Variants in MEGF10 observed in about 807,000 individuals in gnomAD.
MEGF10 encodes the protein multiple epidermal growth factor-like domains protein 10.
MEGF10 carries 86 observed loss-of-function variants against 147.5 expected under a neutral mutation model. The observed-to-expected ratio is 0.58, with a 90% CI of 0.49 to 0.70. MEGF10 has a LOEUF of 0.70. MEGF10 is among the 30% of genes least tolerant of loss of function. The pLI, the probability that MEGF10 is intolerant of heterozygous loss-of-function variation, is 0.00. For synonymous variants in MEGF10, 478 were observed against 525.5 expected (o/e 0.91, Z 1.24); for missense variants, 1,329 against 1,487.3 (o/e 0.89, Z 1.75).
At chr5:127,437,839 A>G (rs1765614963) in intron 16 of MEGF10, among the ~76,000 whole-genome samples, 1 of 152,224 alleles carries the variant, frequency 6.6e-6, no homozygotes, top group Non-Finnish European at 1.5e-5. Flanking sequence ...AATTGTGAAC[A>G]TGAGCTACAT....
At chr5:127,253,466 G>T in the MEGF10 span, among the ~76,000 whole-genome samples, 1 of 151,790 alleles carries the variant, frequency 6.6e-6, no homozygotes, top group Non-Finnish European at 1.5e-5. Flanking sequence ...AATGCAATAG[G>T]CTATATAAAA....
chr5:127,416,035 G>GTTTTT (rs770649214), intron 9 of MEGF10, among the ~76,000 whole-genome samples: 14,602 of 133,688 alleles, frequency 0.11, 1,451 homozygotes, highest in African/African-American at 0.29. Flanking sequence ...TTTTGTTTTT[G>GTTTTT]GTTTTGTTTT....
the MEGF10 span, among the ~76,000 whole-genome samples, chr5:127,277,270 GT>G: frequency 1.3e-5 from 2 of 152,172 alleles, no homozygotes; most frequent in Non-Finnish European, 2.9e-5. Flanking sequence ...CATTTGCAAG[GT>G]TATGCTCTCT....
chr5:127,415,933 A>G (rs928656599), intron 9 of MEGF10, among the ~76,000 whole-genome samples: 1 of 151,692 alleles, frequency 6.6e-6, no homozygotes, highest in Non-Finnish European at 1.5e-5. Flanking sequence ...ACTTCTAGAT[A>G]AACTAAGTGA....
At chr5:127,327,951 A>T (rs569232618) in intron 1 of MEGF10, among the ~76,000 whole-genome samples, 1 of 152,174 alleles carries the variant, frequency 6.6e-6, no homozygotes, top group African/African-American at 2.4e-5. Flanking sequence ...TCCTGACCTC[A>T]GGTGATCCAC....
At chr5:127,257,952 A>G in the MEGF10 span, among the ~76,000 whole-genome samples, 9 of 152,318 alleles carry the variant, frequency 5.9e-5, no homozygotes, top group Non-Finnish European at 1.2e-4. Flanking sequence ...TGTTTCTACT[A>G]TTTGAATAAC....
At chr5:127,285,518 A>G in the MEGF10 span, among the ~76,000 whole-genome samples, 1 of 152,144 alleles carries the variant, frequency 6.6e-6, no homozygotes, top group African/African-American at 2.4e-5. Flanking sequence ...TGCATTAGTT[A>G]TGTTGTAGTG....
chr5:127,438,441 T>C lies in MEGF10; in HGVS notation c.2107T>C (p.Cys703Arg). The C allele has an allele frequency of 1.2e-6, 2 of 1,613,994 alleles. No homozygotes were observed. The highest frequency in any genetic ancestry group is 1.7e-6 in the Non-Finnish European group (2 of 1,179,910). The change falls in exon 17 of 25, where the codon TGT becomes CGT. Residue 703 changes from cysteine to arginine, a missense_variant and splice_region_variant. By Grantham distance (180) the Cys-to-Arg change is radical (BLOSUM62 -3). Transcript: ENST00000503335. ...GWIGSDCSQPCPPAHWGPNCI... is the reference protein window; with the variant it reads ...GWIGSDCSQPRPPAHWGPNCI... ...CTTCTCCATACCTGTAATTTCAGCA[T>C]GTCCACCTGCCCACTGGGGCCCAAA...
chr5:127,266,403 G>A, the MEGF10 span, among the ~76,000 whole-genome samples: 3 of 152,096 alleles, frequency 2.0e-5, no homozygotes, highest in Admixed American at 2.0e-4. Context: ...TGGAAATGTG[G>A]GCTCTTTTTT....
chr5:127,391,637 A>C (rs1297148908), intron 5 of MEGF10, among the ~76,000 whole-genome samples: 1 of 151,842 alleles, frequency 6.6e-6, no homozygotes, highest in Non-Finnish European at 1.5e-5. Context: ...TATCACTGTA[A>C]GTATCAGTCT....
intron 17 of MEGF10, among the ~76,000 whole-genome samples, chr5:127,439,052 G>A (rs915499360): frequency 2.6e-5 from 4 of 152,206 alleles, no homozygotes; most frequent in African/African-American, 4.8e-5. Flanking sequence ...CCAGAAAGCC[G>A]GAAGCAGCGA....
At chr5:127,266,964 T>C in the MEGF10 span, among the ~76,000 whole-genome samples, 1 of 152,210 alleles carries the variant, frequency 6.6e-6, no homozygotes, top group Non-Finnish European at 1.5e-5. Flanking sequence ...CTATGTTGAA[T>C]AGGAGTGGTG....
chr5:127,345,619 G>A (rs139779922), intron 4 of MEGF10, among the ~76,000 whole-genome samples: 615 of 152,266 alleles, frequency 4.0e-3, no homozygotes, highest in Middle Eastern at 0.01. Flanking sequence ...CTCTAAATTT[G>A]TTCATCCTTT....
the MEGF10 span, among the ~76,000 whole-genome samples, chr5:127,267,654 G>C: frequency 2.0e-5 from 3 of 151,960 alleles, no homozygotes; most frequent in African/African-American, 7.3e-5. Flanking sequence ...ATCTTGGGAG[G>C]GTGTATGTGT....
upstream of MEGF10, among the ~76,000 whole-genome samples, chr5:127,290,188 T>A (rs1282575956): frequency 2.0e-5 from 3 of 152,096 alleles, no homozygotes; most frequent in Non-Finnish European, 4.4e-5. Flanking sequence ...CGGGGAGTTC[T>A]CTCTCCGCCC....
Position 127,396,640 on chromosome 5 carries a change from G to A in MEGF10, c.521G>A (p.Arg174Gln), listed in dbSNP as rs745588312. 2.9e-5 allele frequency: 47 copies of A among 1,613,896 alleles called. No homozygotes were observed. In the South Asian group the frequency reaches 3.5e-4, roughly 12 times the overall value. ...TGACHCAAGF[R>Q]GWRCEDRCEQ... ...GCTTGCCACTGTGCTGCGGGCTTCC[G>A]GGGCTGGCGCTGCGAGGACCGCTGT... is the stretch of plus-strand genomic sequence containing the variant. The change falls in exon 6 of 25, where the codon CGG becomes CAG. Residue 174 changes from arginine (R) to glutamine (Q), a missense_variant. Transcript: ENST00000503335.
chr5:127,445,647 C>A lies in MEGF10; in HGVS notation c.2682C>A (p.Thr894=). 6.2e-7 allele frequency: 1 copy of A among 1,614,076 alleles called. No individual in the cohort carries two copies. The highest frequency in any genetic ancestry group is 8.5e-7 in the Non-Finnish European group (1 of 1,180,008). The part of the protein sequence containing the change: ...KGKESSMPAV[T]YTPAMRVVNA... Reference sequence around the variant, plus strand: ...AGGAATCAAGCATGCCAGCAGTTACCTACACCCCTGCTATGAGGGTCGTCA... The same window carrying A: ...AGGAATCAAGCATGCCAGCAGTTACATACACCCCTGCTATGAGGGTCGTCA... The change falls in exon 20 of 25, where the codon ACC becomes ACA. Residue 894 remains threonine (T), a synonymous_variant. Coordinates refer to ENST00000503335, the MANE Select transcript of MEGF10 (RefSeq NM_001256545.2).
the MEGF10 span, among the ~76,000 whole-genome samples, chr5:127,232,301 T>C: frequency 1.3e-5 from 2 of 152,256 alleles, no homozygotes; most frequent in South Asian, 4.1e-4. Flanking sequence ...ATCCAGAAGC[T>C]TTCTCTCCAA....
chr5:127,291,972 C>T (rs921914389), intron 1 of MEGF10, among the ~76,000 whole-genome samples: 1 of 152,180 alleles, frequency 6.6e-6, no homozygotes. Context: ...TGTGCCAAGG[C>T]AGAAGAGAAT....
Sources: allele counts gnomAD v4.1 joint callset (sites outside exome capture counted in the v4.1 genomes callset), GRCh38; gene constraint gnomAD v4.1.1; transcripts MANE v1.5; gene names NCBI Gene and HGNC (gene_info 2026-07-23, HGNC 2026-07-21).